PCDHA6: variants seen among roughly 807,000 people sequenced by gnomAD.
The protein encoded by PCDHA6 is protocadherin alpha-6.
In PCDHA6, 55 loss-of-function variants were observed where a neutral mutation model predicts 60.3. That is an observed-to-expected ratio of 0.91 (90% confidence interval 0.73 to 1.14). The LOEUF (loss-of-function observed/expected upper bound fraction) is 1.14, where lower values mean the gene tolerates loss of function less well. PCDHA6 is among the 50% of genes most tolerant of loss of function. The probability of loss-of-function intolerance (pLI) is 0.00; values close to 1 mark genes in which losing one functional copy is unlikely to be tolerated. For synonymous variants in PCDHA6, 652 were observed against 557.9 expected, an observed-to-expected ratio of 1.17 and a Z score of -2.38; for missense variants, 1,327 against 1,256.5, an observed-to-expected ratio of 1.06 and a Z score of -0.85.
rs150142414 is a variant in PCDHA6, at chr5:140,941,961, T to C, written c.2395-36988T>C. 4.6e-3 allele frequency among the ~76,000 whole-genome samples: 702 copies of C among 152,326 alleles called. 3 individuals are homozygous for C. Among genetic ancestry groups the C allele is most frequent in the African/African-American group, 0.016 (679 of 41,550 alleles). On this transcript the variant is annotated intron_variant, in intron 1 of 3. Transcript: ENST00000529310. Reference sequence around the variant, plus strand: ...TACTTTTGTTTTGAAAACAATAGTATCTTTACTTTCCCTAAACCTTGATAA... The same window carrying C: ...TACTTTTGTTTTGAAAACAATAGTACCTTTACTTTCCCTAAACCTTGATAA...
intron 1 of PCDHA6, among the ~76,000 whole-genome samples, chr5:140,902,482 C>T (rs1554190466): frequency 1.3e-5 from 2 of 152,086 alleles, no homozygotes; most frequent in Non-Finnish European, 2.9e-5. Context: ...TTTGCCTGCT[C>T]AGTATGATAC....
intron 1 of PCDHA6, among the ~76,000 whole-genome samples, chr5:140,903,617 G>T (rs1488747657): frequency 1.3e-5 from 2 of 152,140 alleles, no homozygotes; most frequent in Non-Finnish European, 2.9e-5. Context: ...ACATGAATGT[G>T]CATGCATATG....
At chr5:140,882,332 G>T (rs782439110) in intron 1 of PCDHA6, 20 of 1,614,060 alleles carry the variant, frequency 1.2e-5, no homozygotes, top group Non-Finnish European at 1.7e-5. Flanking sequence ...TCTGATCCTC[G>T]CAGCCTGGGA....
intron 1 of PCDHA6, chr5:140,883,610 G>C: frequency 6.2e-7 from 1 of 1,614,046 alleles, no homozygotes; most frequent in Non-Finnish European, 8.5e-7. Flanking sequence ...GGTGGCCGAC[G>C]TGAACGACAA....
chr5:140,972,905 A>C (rs1188926107), intron 1 of PCDHA6, among the ~76,000 whole-genome samples: 18 of 151,782 alleles, frequency 1.2e-4, no homozygotes, highest in African/African-American at 4.4e-4. Flanking sequence ...CTTGTGATCC[A>C]CCCGCCTTGG....
chr5:140,925,447 T>G (rs2153577798), intron 1 of PCDHA6, among the ~76,000 whole-genome samples: 1 of 152,154 alleles, frequency 6.6e-6, no homozygotes, highest in Non-Finnish European at 1.5e-5. Context: ...AGAATTTGGG[T>G]GTATCTGTTG....
intron 1 of PCDHA6, chr5:140,869,763 A>G: frequency 1.9e-6 from 3 of 1,613,302 alleles, no homozygotes; most frequent in Non-Finnish European, 2.5e-6. Flanking sequence ...GGGGAAAACC[A>G]GAGCTTACTG....
intron 1 of PCDHA6, among the ~76,000 whole-genome samples, chr5:140,906,089 A>G (rs13182228): frequency 0.33 from 49,632 of 151,980 alleles, 8,394 homozygotes; most frequent in East Asian, 0.53. Flanking sequence ...CCAGACTGAG[A>G]GTAAGTGTGT....
intron 1 of PCDHA6, among the ~76,000 whole-genome samples, chr5:140,910,040 G>C (rs552041915): frequency 1.3e-5 from 2 of 152,276 alleles, no homozygotes; most frequent in South Asian, 4.2e-4. Context: ...AATCCCACTT[G>C]GTCATAATAA....
At chr5:140,835,448 GTC>G in intron 1 of PCDHA6, 1 of 1,613,886 alleles carries the variant, frequency 6.2e-7, no homozygotes, top group East Asian at 2.2e-5. Flanking sequence ...TCACTTCCCT[GTC>G]TCTCCCTATT....
At chr5:141,005,018 T>C (rs2098193299) in intron 3 of PCDHA6, among the ~76,000 whole-genome samples, 1 of 152,250 alleles carries the variant, frequency 6.6e-6, no homozygotes, top group Non-Finnish European at 1.5e-5. Flanking sequence ...AGCTGCATTA[T>C]ATATAATTGC....
At chr5:140,843,820 T>A in intron 1 of PCDHA6, 1 of 1,210,794 alleles carries the variant, frequency 8.3e-7, no homozygotes, top group South Asian at 1.5e-5. Flanking sequence ...TAGTGAAAAT[T>A]TAAACATTGT....
intron 1 of PCDHA6, among the ~76,000 whole-genome samples, chr5:140,888,739 GA>G (rs782625301): frequency 6.6e-6 from 1 of 151,978 alleles, no homozygotes; most frequent in Non-Finnish European, 1.5e-5. Flanking sequence ...TGAGCTCTAG[GA>G]ATTATTCTAC....
chr5:140,878,583 T>C (rs1355382396), intron 1 of PCDHA6, among the ~76,000 whole-genome samples: 1 of 152,236 alleles, frequency 6.6e-6, no homozygotes, highest in African/African-American at 2.4e-5. Context: ...CACTGCCCTG[T>C]GCCTATTACC....
intron 1 of PCDHA6, chr5:140,969,187 G>A (rs1469342094): frequency 1.2e-6 from 2 of 1,614,106 alleles, no homozygotes; most frequent in Non-Finnish European, 8.5e-7. Context: ...ACACTTTCAT[G>A]TTTTACAATA....
chr5:140,870,714 C>G (rs2052324296), intron 1 of PCDHA6: 3 of 1,613,110 alleles, frequency 1.9e-6, no homozygotes, highest in Non-Finnish European at 8.5e-7. Context: ...TGAGCGCGCG[C>G]GATGCGGGCG....
In PCDHA6 at chr5:140,967,564, A is replaced by G. The variant is rs1554229677; in HGVS notation, c.2395-11385A>G. Reference sequence around the variant, plus strand: ...ACCAGTCCACTTATCGCGTCCAGCTACGGGAGGACTCACCCCCAGGCACAT... The same window carrying G: ...ACCAGTCCACTTATCGCGTCCAGCTGCGGGAGGACTCACCCCCAGGCACAT... On this transcript the variant is annotated intron_variant, in intron 1 of 3. Coordinates refer to ENST00000529310, the MANE Select transcript of PCDHA6 (RefSeq NM_018909.4). 10 of 1,614,070 alleles carry G rather than the reference A, an allele frequency of 6.2e-6. No individual in the cohort carries two copies. The Middle Eastern group carries it at 4.9e-4, about 80-fold the overall frequency.
intron 1 of PCDHA6, among the ~76,000 whole-genome samples, chr5:140,952,297 C>G (rs2094716383): frequency 6.7e-6 from 1 of 149,532 alleles, no homozygotes; most frequent in South Asian, 2.1e-4. Context: ...TTCTCACAGC[C>G]ATTTCACTCC....
intron 1 of PCDHA6, among the ~76,000 whole-genome samples, chr5:140,897,278 A>C (rs993702418): frequency 1.1e-4 from 16 of 151,088 alleles, no homozygotes; most frequent in Non-Finnish European, 1.8e-4. Context: ...GGTGTGCTGC[A>C]CCCATTAACT....
Sources: allele counts gnomAD v4.1 joint callset (sites outside exome capture counted in the v4.1 genomes callset), GRCh38; gene constraint gnomAD v4.1.1; transcripts MANE v1.5; gene names NCBI Gene and HGNC (gene_info 2026-07-23, HGNC 2026-07-21).